The following TNS3 variants were observed in gnomAD, a reference collection of about 807,000 sequenced individuals.
The protein encoded by TNS3 is tensin-3.
A neutral mutation model predicts 140.9 loss-of-function variants in TNS3; 45 were observed. The ratio of observed to expected loss-of-function variants is 0.32; its 90% CI spans 0.25 to 0.41. The LOEUF (loss-of-function observed/expected upper bound fraction) is 0.41. Among genes scored for constraint, TNS3 ranks in the 10% least tolerant of loss-of-function variants. The pLI is 1.00. For synonymous variants in TNS3, 815 were observed against 788.4 expected (o/e 1.03, Z -0.56); for missense variants, 1,716 against 1,906.7 (o/e 0.90, Z 1.86).
intron 17 of TNS3, among the ~76,000 whole-genome samples, chr7:47,348,379 T>C (rs1282938814): frequency 3.9e-5 from 6 of 152,170 alleles, no homozygotes; most frequent in African/African-American, 1.4e-4. Flanking sequence ...CACCAGGAGC[T>C]CCGCTGCCCT....
intron 20 of TNS3, among the ~76,000 whole-genome samples, chr7:47,340,097 A>ATG (rs1293863854): frequency 3.7e-5 from 1 of 26,972 alleles, no homozygotes; most frequent in African/African-American, 1.2e-4. Flanking sequence ...ATATACATAT[A>ATG]TATATATATA....
At chr7:47,553,632 G>A (rs551178944) in intron 1 of TNS3, among the ~76,000 whole-genome samples, 2 of 152,116 alleles carry the variant, frequency 1.3e-5, no homozygotes, top group East Asian at 3.9e-4. Context: ...CAGAAAAAAA[G>A]AGATTCGTTT....
intron 3 of TNS3, among the ~76,000 whole-genome samples, chr7:47,500,414 A>T (rs536522916): frequency 3.0e-4 from 45 of 152,376 alleles, no homozygotes; most frequent in African/African-American, 1.0e-3. Context: ...GGACCATCGC[A>T]GGCTTTAGCA....
At chr7:47,513,997 G>A (rs962851139) in intron 2 of TNS3, among the ~76,000 whole-genome samples, 1 of 152,246 alleles carries the variant, frequency 6.6e-6, no homozygotes, top group East Asian at 1.9e-4. Context: ...TCTTCACAAC[G>A]TCTCCACGAG....
intron 4 of TNS3, among the ~76,000 whole-genome samples, chr7:47,456,766 C>G (rs1376637403): frequency 6.6e-6 from 1 of 152,076 alleles, no homozygotes; most frequent in Non-Finnish European, 1.5e-5. Context: ...TTCGCTGCCC[C>G]ACACCTGCTG....
At chr7:47,489,197 C>G (rs984516823) in intron 3 of TNS3, among the ~76,000 whole-genome samples, 2 of 152,066 alleles carry the variant, frequency 1.3e-5, no homozygotes, top group African/African-American at 2.4e-5. Context: ...TCTCAGCCTG[C>G]GGGCTGAGAA....
At chr7:47,333,300 G>A (rs1443738120) in intron 20 of TNS3, among the ~76,000 whole-genome samples, 1 of 152,206 alleles carries the variant, frequency 6.6e-6, no homozygotes, top group Non-Finnish European at 1.5e-5. Context: ...GGTTGGAGGA[G>A]GCTGCGATGT....
chr7:47,503,639 T>C (rs1478549386), intron 3 of TNS3, among the ~76,000 whole-genome samples: 1 of 152,234 alleles, frequency 6.6e-6, no homozygotes, highest in Non-Finnish European at 1.5e-5. Flanking sequence ...GTTATTTTTC[T>C]GTTTATTACA....
intron 23 of TNS3, 57 bp downstream of exon 23, chr7:47,302,129 G>A: frequency 2.1e-6 from 3 of 1,438,262 alleles, no homozygotes; most frequent in Non-Finnish European, 2.0e-6. Flanking sequence ...TTCACACAAG[G>A]CAGCGAAGCG....
chr7:47,557,086 A>T (rs1240076358), intron 1 of TNS3: 1 of 456,812 alleles, frequency 2.2e-6, no homozygotes, highest in Non-Finnish European at 4.4e-6. Flanking sequence ...CCAGTTGGTG[A>T]TGCATCCGAA....
intron 13 of TNS3, among the ~76,000 whole-genome samples, chr7:47,408,225 C>A (rs1300149958): frequency 6.6e-6 from 1 of 152,030 alleles, no homozygotes; most frequent in African/African-American, 2.4e-5. Context: ...CACCCACTCA[C>A]GGCCCCTCTC....
intron 20 of TNS3, among the ~76,000 whole-genome samples, chr7:47,311,399 A>AGTGTGTGTGT (rs10617598): frequency 3.3e-4 from 49 of 147,436 alleles, no homozygotes; most frequent in East Asian, 1.6e-3. Context: ...GAACTTAAAG[A>AGTGTGTGTGT]GTGTGTGTGT....
intron 4 of TNS3, among the ~76,000 whole-genome samples, chr7:47,466,894 C>T (rs1247889016): frequency 6.6e-6 from 1 of 152,202 alleles, no homozygotes; most frequent in Admixed American, 6.5e-5. Context: ...AAGAACAGTT[C>T]CCAAAGGTTA....
chr7:47,430,842 T>G (rs1163270306), intron 8 of TNS3, among the ~76,000 whole-genome samples: 1 of 151,922 alleles, frequency 6.6e-6, no homozygotes, highest in Admixed American at 6.6e-5. Flanking sequence ...TGCCTCAGCC[T>G]CCCGAGTAGC....
intron 24 of TNS3, among the ~76,000 whole-genome samples, chr7:47,296,122 T>C (rs2150650501): frequency 6.6e-6 from 1 of 151,644 alleles, no homozygotes; most frequent in South Asian, 2.1e-4. Context: ...GTCTGCAGCA[T>C]GGTAGCACAC....
intron 4 of TNS3, among the ~76,000 whole-genome samples, chr7:47,459,797 C>T (rs6943731): frequency 0.11 from 16,670 of 152,140 alleles, 1,115 homozygotes; most frequent in Non-Finnish European, 0.15. Context: ...AAGGTAGCAC[C>T]GTCCTCCTCC....
At chr7:47,353,647 T>C (rs890923669) in intron 17 of TNS3, among the ~76,000 whole-genome samples, 2 of 152,114 alleles carry the variant, frequency 1.3e-5, no homozygotes, top group African/African-American at 2.4e-5. Context: ...ATTGTTTGAG[T>C]CCATCAATTA....
At chr7:47,525,470 CA>C (rs1217693981) in intron 2 of TNS3, among the ~76,000 whole-genome samples, 2 of 152,210 alleles carry the variant, frequency 1.3e-5, no homozygotes, top group African/African-American at 4.8e-5. Flanking sequence ...ACATCTTGTC[CA>C]GATAGGGCAC....
chr7:47,290,822 C>T (rs1052614229), intron 27 of TNS3, among the ~76,000 whole-genome samples: 4 of 152,174 alleles, frequency 2.6e-5, no homozygotes, highest in Admixed American at 2.0e-4. Flanking sequence ...TCCAGGAATG[C>T]GCTCCTTGGT....
Sources: allele counts gnomAD v4.1 joint callset (sites outside exome capture counted in the v4.1 genomes callset), GRCh38; gene constraint gnomAD v4.1.1; transcripts MANE v1.5; gene names NCBI Gene and HGNC (gene_info 2026-07-23, HGNC 2026-07-21).